Variants in MED23 observed in about 807,000 individuals in gnomAD.
MED23 encodes the protein mediator complex subunit 23.
In MED23, 105 loss-of-function variants were observed where a neutral mutation model predicts 163.9. That is an observed-to-expected ratio of 0.64 (90% CI 0.55 to 0.75). MED23 has a LOEUF of 0.75. Among genes scored for constraint, MED23 ranks in the 30% least tolerant of loss-of-function variants. The pLI, the probability that MED23 is intolerant of heterozygous loss-of-function variation, is 0.00. For missense variants in MED23, 1,054 were observed against 1,649.0 expected, an observed-to-expected ratio of 0.64 and a Z score of 6.25; for synonymous variants, 561 against 565.6, an observed-to-expected ratio of 0.99 and a Z score of 0.12.
At chr6:131,610,601 G>A (rs1218454179) in intron 10 of MED23, among the ~76,000 whole-genome samples, 2 of 152,178 alleles carry the variant, frequency 1.3e-5, no homozygotes, top group African/African-American at 2.4e-5. Flanking sequence ...AACAGGGATA[G>A]CAGTATTAAT....
At chr6:131,613,761 T>G (rs1004094787) in intron 10 of MED23, among the ~76,000 whole-genome samples, 3 of 152,162 alleles carry the variant, frequency 2.0e-5, no homozygotes, top group African/African-American at 7.2e-5. Flanking sequence ...TAAACTTTAT[T>G]TTTTATGGAT....
chr6:131,620,318 G>A (rs936752326), intron 7 of MED23, among the ~76,000 whole-genome samples: 20 of 151,932 alleles, frequency 1.3e-4, no homozygotes, highest in Admixed American at 5.3e-4. Flanking sequence ...ACAGGGTCTC[G>A]TCCTTTTGCC....
At chr6:131,584,010 GA>G (rs1774076854), downstream of MED23, 2 of 1,374,056 alleles carry the variant, frequency 1.5e-6, no homozygotes, top group Admixed American at 4.2e-5. Context: ...TGTTCTTTCA[GA>G]AAAATGTTTT....
At chr6:131,574,433 G>T in intron 30 of MED23, 1 of 959,586 alleles carries the variant, frequency 1.0e-6, no homozygotes, top group Non-Finnish European at 1.7e-6. Flanking sequence ...ACACAGAAAT[G>T]TTCCTTTTAA....
At chr6:131,625,124 T>C (rs1777389906) in intron 3 of MED23, 135 bp from the exon 4 acceptor site, 1 of 1,067,020 alleles carries the variant, frequency 9.4e-7, no homozygotes, top group African/African-American at 1.6e-5. Flanking sequence ...TGAAAATAAT[T>C]TTTAAAAAAA....
chr6:131,618,309 C>A (rs1363117291), intron 9 of MED23, 98 bp downstream of exon 9: 1 of 810,140 alleles, frequency 1.2e-6, no homozygotes, highest in Non-Finnish European at 2.1e-6. Context: ...ATATTTACTT[C>A]TTCAGATTAT....
chr6:131,606,104 A>C (rs1775835487), intron 13 of MED23, among the ~76,000 whole-genome samples: 1 of 152,254 alleles, frequency 6.6e-6, no homozygotes, highest in African/African-American at 2.4e-5. Flanking sequence ...GGCAGCCCAG[A>C]GATGAATGAT....
Position 131,598,583 on chromosome 6 carries a change from G to A in MED23, c.2399C>T (p.Thr800Ile). ...LCLLWKMLLETDHINQIGYRV... is the reference protein window; with the variant it reads ...LCLLWKMLLEIDHINQIGYRV... ...ATAGCCAATCTGATTAATATGATCTGTTTCCAAGAGCATTTTCCAGAGAAG... is the reference window on the plus strand; with the variant it reads ...ATAGCCAATCTGATTAATATGATCTATTTCCAAGAGCATTTTCCAGAGAAG... The change falls in exon 19 of 29, where the codon ACA becomes ATA. Residue 800 changes from threonine to isoleucine, a missense_variant. Thr to Ile is a moderately conservative substitution (Grantham distance 89). This residue lies in a region of MED23 where 228 missense variants were observed against 461.3 expected (regional missense o/e 0.49). Transcript: ENST00000368068. The surrounding 1 kb of genome is among the most constrained non-coding windows in gnomAD (Gnocchi z 4.7). The A allele has an allele frequency of 1.2e-6, 2 of 1,614,104 alleles. No individual in the cohort carries two copies. The highest frequency in any genetic ancestry group is 1.3e-5 in the African/African-American group (1 of 75,036).
At chr6:131,590,152 C>T (rs981723193) in intron 27 of MED23, among the ~76,000 whole-genome samples, 170 bp downstream of exon 27, 1 of 152,200 alleles carries the variant, frequency 6.6e-6, no homozygotes, top group African/African-American at 2.4e-5. Flanking sequence ...ATACATCCCA[C>T]CCTAAATTCA....
intron 15 of MED23, 32 bp downstream of exon 15, chr6:131,604,146 A>G: frequency 2.5e-6 from 4 of 1,611,346 alleles, no homozygotes; most frequent in Admixed American, 1.7e-5. Context: ...GAATGGGTTA[A>G]TAGTTATAAA....
At chr6:131,606,453 TA>T (rs761288404) in intron 13 of MED23, 25 bp downstream of exon 13, 23 of 1,606,628 alleles carry the variant, frequency 1.4e-5, no homozygotes, top group African/African-American at 5.4e-5. Flanking sequence ...ACAAGAAAAT[TA>T]AGTATCAAGC....
In MED23 at chr6:131,586,745, A is replaced by C; in HGVS notation, c.*934T>G. ...ATTCCAATGGAGTCGGGAAACAATC[A>C]CACGGTTTATTCATTCAGCAGACTT... On this transcript the variant is annotated 3_prime_UTR_variant, in exon 29 of 29. Transcript: ENST00000368068. 6.9e-7 allele frequency: 1 copy of C among 1,455,288 alleles called. No individual in the cohort carries two copies. Among genetic ancestry groups the C allele is most frequent in the Non-Finnish European group, 9.2e-7 (1 of 1,089,444 alleles). 90.1% of individuals were successfully genotyped at this position (1,455,288 alleles called of 1,614,324 possible).
At chr6:131,615,571 A>T in intron 10 of MED23, 1 of 502,132 alleles carries the variant, frequency 2.0e-6, no homozygotes, top group East Asian at 3.5e-5. Context: ...ACCAAGGGTT[A>T]TATAAAAATA....
intron 12 of MED23, among the ~76,000 whole-genome samples, chr6:131,607,199 G>A (rs1346013174): frequency 6.6e-6 from 1 of 151,358 alleles, no homozygotes; most frequent in African/African-American, 2.4e-5. Flanking sequence ...GGTATAACAT[G>A]GTGGGGTTAC....
rs2114565759 is a variant in MED23 at position 131,587,567 on chromosome 6, T to C, written c.*112A>G. The C allele has an allele frequency of 9.0e-6, 14 of 1,559,622 alleles. No individual in the cohort carries two copies. Among genetic ancestry groups the C allele is most frequent in the Non-Finnish European group, 1.2e-5 (14 of 1,151,612 alleles). ...GAATCAAAATAAAACAATCTGAATA[T>C]CATCACTGCTTCTACTATATCACTA... On this transcript the variant is annotated 3_prime_UTR_variant, in exon 29 of 29. Coordinates refer to ENST00000368068, the MANE Select transcript of MED23 (RefSeq NM_004830.4).
intron 12 of MED23, 32 bp from the exon 13 acceptor site, chr6:131,606,656 T>A (rs2114676918): frequency 2.6e-6 from 4 of 1,524,394 alleles, no homozygotes; most frequent in Non-Finnish European, 1.8e-6. Flanking sequence ...AATAACACAA[T>A]AGAAGAAAGA....
chr6:131,615,565 AGGGTT>A (rs2114727129), intron 10 of MED23: 1 of 509,980 alleles, frequency 2.0e-6, no homozygotes, highest in African/African-American at 2.0e-5. Context: ...GAAGATACCA[AGGGTT>A]ATATAAAAAT....
At chr6:131,597,795 G>A (rs887483034) in intron 20 of MED23, among the ~76,000 whole-genome samples, 4 of 152,092 alleles carry the variant, frequency 2.6e-5, no homozygotes, top group African/African-American at 9.7e-5. Context: ...GAATGAATAA[G>A]GAAATTGGGG....
chr6:131,623,296 C>T, intron 5 of MED23, 55 bp downstream of exon 5: 1 of 1,387,808 alleles, frequency 7.2e-7, no homozygotes, highest in South Asian at 1.2e-5. Context: ...GACATGCACA[C>T]CGAAAAATCA....
Sources: allele counts gnomAD v4.1 joint callset (sites outside exome capture counted in the v4.1 genomes callset), GRCh38; gene constraint gnomAD v4.1.1; regional missense constraint gnomAD v4.1.1; non-coding constraint Gnocchi (gnomAD v3.1); transcripts MANE v1.5; gene names NCBI Gene and HGNC (gene_info 2026-07-23, HGNC 2026-07-21).